ZNF665: variants seen among roughly 807,000 people sequenced by gnomAD.
ZNF665 encodes zinc finger protein 665.
Under a neutral mutation model 7.9 loss-of-function variants are expected in ZNF665, and 6 were observed. The ratio of observed to expected loss-of-function variants is 0.76; its 90% CI spans 0.42 to 1.50. The LOEUF is 1.50. ZNF665 is among the 40% of genes most tolerant of loss of function. The pLI is 0.01. For missense variants in ZNF665, 819 were observed against 806.7 expected (o/e 1.02, Z -0.18); for synonymous variants, 242 against 274.5 (o/e 0.88, Z 1.17).
chr19:53,184,754 A>AT (rs2090764084), intron 1 of ZNF665, among the ~76,000 whole-genome samples: 3 of 152,272 alleles, frequency 2.0e-5, no homozygotes, highest in South Asian at 2.1e-4. Context: ...ACTACCACCA[A>AT]GACGTGGAGA....
At chr19:53,176,077 C>T (rs903844967) in intron 2 of ZNF665, among the ~76,000 whole-genome samples, 1 of 152,168 alleles carries the variant, frequency 6.6e-6, no homozygotes, top group Non-Finnish European at 1.5e-5. Flanking sequence ...AGCAGAATCA[C>T]TTGAACCTGG....
intron 1 of ZNF665, among the ~76,000 whole-genome samples, chr19:53,192,891 G>C (rs1345875192): frequency 6.6e-6 from 1 of 152,092 alleles, no homozygotes; most frequent in Non-Finnish European, 1.5e-5. Flanking sequence ...CGCCTTAGGA[G>C]AGGGGTGGGG....
chr19:53,170,002 G>A (rs1261001672), intron 3 of ZNF665, among the ~76,000 whole-genome samples: 4 of 145,466 alleles, frequency 2.7e-5, no homozygotes, highest in East Asian at 3.9e-4. Flanking sequence ...ATACGTGTGC[G>A]TGTGTCTTTA....
chr19:53,175,673 T>A, intron 2 of ZNF665, 102 bp from the exon 3 acceptor site: 1 of 1,301,626 alleles, frequency 7.7e-7, no homozygotes, highest in Non-Finnish European at 1.1e-6. Flanking sequence ...TCAATTCACG[T>A]AAGCAGACTG....
chr19:53,185,834 G>A (rs1468552325), intron 1 of ZNF665, among the ~76,000 whole-genome samples: 1 of 151,964 alleles, frequency 6.6e-6, no homozygotes, highest in Non-Finnish European at 1.5e-5. Flanking sequence ...AGAAAAAAAA[G>A]GAACACAAAG....
At chr19:53,177,473 G>C (rs190115538) in intron 2 of ZNF665, among the ~76,000 whole-genome samples, 1 of 151,786 alleles carries the variant, frequency 6.6e-6, no homozygotes, top group Non-Finnish European at 1.5e-5. Context: ...CTTGAACCTG[G>C]GAGGCAGAGG....
chr19:53,189,051 C>CTGTGTGTGTGTGTGTG lies in ZNF665; in HGVS notation c.-46+4245_-46+4260dup, dbSNP rs60689265. On this transcript the variant is annotated intron_variant, in intron 1 of 3. Coordinates refer to ENST00000396424, the MANE Select transcript of ZNF665 (RefSeq NM_024733.5). ...AGATGAGAAAGAAAGGCTTTATTTT[C>CTGTGTGTGTGTGTGTG]TGTGTGTGTGTGTGTGTGTGTGTGT... 8.2e-3 allele frequency among the ~76,000 whole-genome samples: 1,125 copies of CTGTGTGTGTGTGTGTG among 137,706 alleles called. 16 individuals carry two copies. Among genetic ancestry groups the CTGTGTGTGTGTGTGTG allele is most frequent in the East Asian group, 0.024 (108 of 4,532 alleles). 90.3% of individuals were successfully genotyped at this position (137,706 alleles called of 152,430 possible). A position where few individuals can be genotyped will look rare whatever the true frequency, so the allele number is the denominator to read the frequency against.
chr19:53,170,886 G>C (rs762532406), intron 3 of ZNF665, among the ~76,000 whole-genome samples: 1 of 152,134 alleles, frequency 6.6e-6, no homozygotes. Flanking sequence ...AATAGCCTAC[G>C]ATTGACTGGA....
chr19:53,184,506 G>A (rs941029353), intron 1 of ZNF665, among the ~76,000 whole-genome samples: 1 of 152,096 alleles, frequency 6.6e-6, no homozygotes, highest in Non-Finnish European at 1.5e-5. Flanking sequence ...TCCCAGCAGA[G>A]TGTTGAGGAG....
At chr19:53,171,502 G>A (rs1431331533) in intron 3 of ZNF665, among the ~76,000 whole-genome samples, 101 of 27,870 alleles carry the variant, frequency 3.6e-3, no homozygotes, top group African/African-American at 9.1e-3. Context: ...GTGTGTGTGT[G>A]TGTATATATA....
At chr19:53,183,902 G>A (rs954340083) in intron 1 of ZNF665, among the ~76,000 whole-genome samples, 1 of 152,128 alleles carries the variant, frequency 6.6e-6, no homozygotes, top group African/African-American at 2.4e-5. Flanking sequence ...GAGGTCCTGG[G>A]GGAGCAGGTC....
chr19:53,175,435 T>G lies in ZNF665; in HGVS notation c.142+10A>C. 1 of 1,602,924 alleles carries G rather than the reference T, an allele frequency of 6.2e-7. No individual in the cohort carries two copies. On this transcript the variant is annotated intron_variant, in intron 3 of 3. Transcript: ENST00000396424. Reference sequence around the variant, plus strand: ...ACAGACCCTGACTTCTAAAAGAAAGTCATCCTCACCCAGGGAGACCAGGTT... The same window carrying G: ...ACAGACCCTGACTTCTAAAAGAAAGGCATCCTCACCCAGGGAGACCAGGTT...
chr19:53,185,333 C>G (rs956375248), intron 1 of ZNF665, among the ~76,000 whole-genome samples: 4 of 152,096 alleles, frequency 2.6e-5, no homozygotes, highest in African/African-American at 4.8e-5. Flanking sequence ...TCCGGTGGCC[C>G]TGTCCGGGCA....
chr19:53,182,395 T>G, intron 2 of ZNF665: 1 of 352,932 alleles, frequency 2.8e-6, no homozygotes, highest in Non-Finnish European at 5.2e-6. Flanking sequence ...AAAAAAGGAG[T>G]TTGGAGTCAG....
intron 2 of ZNF665, chr19:53,181,874 T>C (rs916564878): frequency 6.6e-6 from 1 of 152,074 alleles, no homozygotes; most frequent in African/African-American, 2.4e-5. Flanking sequence ...ATTTAAGAGG[T>C]TGGAACTCTT....
chr19:53,168,454 C>G (rs1441523714), intron 3 of ZNF665, among the ~76,000 whole-genome samples: 1 of 152,066 alleles, frequency 6.6e-6, no homozygotes, highest in Non-Finnish European at 1.5e-5. Context: ...TTAAAGAAGA[C>G]CTAAATAAAT....
At position 53,165,058 on chromosome 19, in the gene ZNF665, C is replaced by T. The variant is rs766531131; in HGVS notation, c.1432G>A (p.Gly478Arg). 1 of 1,612,912 alleles carries T rather than the reference C, an allele frequency of 6.2e-7. No homozygotes were observed. Among genetic ancestry groups the T allele is most frequent in the African/African-American group, 1.3e-5 (1 of 74,490 alleles). ...TAAGGTTTCTCTCCAGAATGAATTC[C>T]CCGATGACTTGCAAGGTGTGAATTT... Reference protein sequence around the residue: ...TQNSHLASHRGIHSGEKPYKC... With the variant: ...TQNSHLASHRRIHSGEKPYKC... Residue 478 changes from glycine (G) to arginine (R), a missense_variant, in exon 4 of 4, where the codon GGA becomes AGA. Physicochemically the swap from Gly to Arg is moderately radical, Grantham distance 125. Coordinates refer to ENST00000396424, the MANE Select transcript of ZNF665 (RefSeq NM_024733.5).
At position 53,165,179 on chromosome 19, in the gene ZNF665, T is replaced by C. The variant is rs756891139; in HGVS notation, c.1311A>G (p.Lys437=). 1 of 1,614,170 alleles carries C rather than the reference T, an allele frequency of 6.2e-7. No individual in the cohort carries two copies. The highest frequency in any genetic ancestry group is 8.5e-7 in the Non-Finnish European group (1 of 1,180,008). ...TTAGGCTTGATCGCACACTAAAGGC[T>C]TTGCCACACTCATCACACCTGTAAG... ...EKPYRCDECG[K]AFSVRSSLTT... Residue 437 remains lysine (K), a synonymous_variant, in exon 4 of 4, where the codon AAA becomes AAG. Coordinates refer to ENST00000396424, the MANE Select transcript of ZNF665 (RefSeq NM_024733.5).
At chr19:53,173,567 A>C (rs917712566) in intron 3 of ZNF665, among the ~76,000 whole-genome samples, 1 of 150,922 alleles carries the variant, frequency 6.6e-6, no homozygotes, top group African/African-American at 2.4e-5. Context: ...TAGAGACAGC[A>C]TTTCACCATA....
Sources: allele counts gnomAD v4.1 joint callset (sites outside exome capture counted in the v4.1 genomes callset), GRCh38; gene constraint gnomAD v4.1.1; transcripts MANE v1.5; gene names NCBI Gene and HGNC (gene_info 2026-07-23, HGNC 2026-07-21).